ATP2B2: variants seen among roughly 807,000 people sequenced by gnomAD.
ATP2B2 encodes the protein plasma membrane calcium-transporting ATPase 2.
In ATP2B2, 15 loss-of-function variants were observed where a neutral mutation model predicts 120.0. The ratio of observed to expected loss-of-function variants is 0.12; its 90% confidence interval spans 0.08 to 0.19. The LOEUF is 0.19. Among genes scored for constraint, ATP2B2 ranks in the 10% least tolerant of loss-of-function variants. The pLI, the probability that ATP2B2 is intolerant of heterozygous loss-of-function variation, is 1.00. For synonymous variants in ATP2B2, 694 were observed against 700.3 expected (o/e 0.99, Z 0.14); for missense variants, 1,045 against 1,719.8 (o/e 0.61, Z 6.94).
At chr3:10,408,556 T>G (rs981583432) in intron 3 of ATP2B2, among the ~76,000 whole-genome samples, 3 of 152,126 alleles carry the variant, frequency 2.0e-5, no homozygotes, top group Non-Finnish European at 2.9e-5. Context: ...AGGGGCGGCC[T>G]GAGCTAGTGC....
chr3:10,339,256 C>T (rs1324569756), intron 21 of ATP2B2, among the ~76,000 whole-genome samples: 1 of 152,240 alleles, frequency 6.6e-6, no homozygotes, highest in African/African-American at 2.4e-5. Flanking sequence ...GGGTTTATCA[C>T]TCTCCAAAGC....
chr3:10,543,863 T>C (rs1327387346), intron 2 of ATP2B2, among the ~76,000 whole-genome samples: 3 of 151,960 alleles, frequency 2.0e-5, no homozygotes, highest in Admixed American at 6.6e-5. Flanking sequence ...CTCAGCCTCC[T>C]GGGTACCTGG....
rs1189198729 is a variant in ATP2B2, at chr3:10,350,482, C to T, written c.2232G>A (p.Lys744=). The change falls in exon 15 of 23, where the codon AAG becomes AAA. Residue 744 remains lysine, a synonymous_variant. Transcript: ENST00000360273. ...CCTCCCCAGGATGGATGATGCCACACTTGATGGCGATGGCCCGAGCCGTGT... is the reference window on the plus strand; with the variant it reads ...CCTCCCCAGGATGGATGATGCCACATTTGATGGCGATGGCCCGAGCCGTGT... ...NINTARAIAI[K]CGIIHPGEDF... 8 of 1,614,252 alleles carry T rather than the reference C, an allele frequency of 5.0e-6. No homozygotes were observed. Among genetic ancestry groups the T allele is most frequent in the Non-Finnish European group, 5.1e-6 (6 of 1,180,042 alleles).
At chr3:10,485,129 G>C (rs114122942) in intron 1 of ATP2B2, among the ~76,000 whole-genome samples, 1 of 152,134 alleles carries the variant, frequency 6.6e-6, no homozygotes, top group African/African-American at 2.4e-5. Context: ...AGAGGTGAGG[G>C]GGTCTTCAGG....
intron 1 of ATP2B2, among the ~76,000 whole-genome samples, chr3:10,685,329 C>G (rs189076837): frequency 9.9e-4 from 151 of 152,286 alleles, no homozygotes; most frequent in African/African-American, 3.5e-3. Context: ...CAGAACAGAA[C>G]AGATGATCTT....
At chr3:10,517,396 G>A (rs1190390258) in intron 3 of ATP2B2, among the ~76,000 whole-genome samples, 3 of 152,176 alleles carry the variant, frequency 2.0e-5, no homozygotes, top group Non-Finnish European at 2.9e-5. Context: ...ATGCAGTGTG[G>A]GCCATGGTTT....
At chr3:10,405,916 G>A (rs967014550) in intron 3 of ATP2B2, among the ~76,000 whole-genome samples, 1 of 152,188 alleles carries the variant, frequency 6.6e-6, no homozygotes, top group African/African-American at 2.4e-5. Flanking sequence ...GGGGGTTAGG[G>A]GCACTGAGTG....
chr3:10,523,716 GA>G (rs1464061375), intron 3 of ATP2B2, among the ~76,000 whole-genome samples: 1 of 152,118 alleles, frequency 6.6e-6, no homozygotes, highest in African/African-American at 2.4e-5. Context: ...TCCCCCGCTT[GA>G]TTATTCGGGG....
intron 2 of ATP2B2, among the ~76,000 whole-genome samples, chr3:10,572,524 T>A (rs2068150684): frequency 6.6e-6 from 1 of 152,184 alleles, no homozygotes; most frequent in African/African-American, 2.4e-5. Context: ...ATGTGTATTT[T>A]AGCACAATTA....
At chr3:10,444,528 T>C (rs1011826373) in intron 2 of ATP2B2, among the ~76,000 whole-genome samples, 3 of 152,242 alleles carry the variant, frequency 2.0e-5, no homozygotes, top group Non-Finnish European at 4.4e-5. Context: ...GTGGGATTCA[T>C]ACAAAATTAA....
chr3:10,459,151 C>A (rs776507524), intron 1 of ATP2B2, among the ~76,000 whole-genome samples: 1 of 152,228 alleles, frequency 6.6e-6, no homozygotes, highest in South Asian at 2.1e-4. Context: ...ATGACCTGAC[C>A]GGAATTCACC....
chr3:10,516,153 C>A (rs1451218362), intron 3 of ATP2B2, among the ~76,000 whole-genome samples: 1 of 152,220 alleles, frequency 6.6e-6, no homozygotes, highest in African/African-American at 2.4e-5. Context: ...TGGGCAGGCC[C>A]GCAACATGGT....
chr3:10,526,483 C>T (rs1441793572), intron 3 of ATP2B2, among the ~76,000 whole-genome samples: 1 of 152,188 alleles, frequency 6.6e-6, no homozygotes, highest in African/African-American at 2.4e-5. Flanking sequence ...GGCCAGTGAT[C>T]CCTGGACACA....
At chr3:10,618,204 T>C (rs2069448769) in intron 2 of ATP2B2, among the ~76,000 whole-genome samples, 1 of 152,204 alleles carries the variant, frequency 6.6e-6, no homozygotes, top group Non-Finnish European at 1.5e-5. Context: ...TCCTGCATCT[T>C]AATGGTCAAG....
intron 2 of ATP2B2, among the ~76,000 whole-genome samples, chr3:10,575,255 A>C (rs1215642244): frequency 6.6e-6 from 1 of 152,088 alleles, no homozygotes; most frequent in Non-Finnish European, 1.5e-5. Flanking sequence ...GGTGTACCTG[A>C]GGGGAGGTGC....
At chr3:10,331,865 G>A (rs537947183) in intron 22 of ATP2B2, 13 of 994,392 alleles carry the variant, frequency 1.3e-5, no homozygotes, top group African/African-American at 8.1e-5. Flanking sequence ...CTGAGAAAAC[G>A]CACAGGCCCT....
intron 1 of ATP2B2, among the ~76,000 whole-genome samples, chr3:10,639,549 C>A (rs185066864): frequency 6.6e-6 from 1 of 152,264 alleles, no homozygotes; most frequent in African/African-American, 2.4e-5. Flanking sequence ...ACCTAATCAC[C>A]TCCCCAAGGC....
chr3:10,581,815 C>A (rs900554207), intron 2 of ATP2B2, among the ~76,000 whole-genome samples: 9 of 152,214 alleles, frequency 5.9e-5, no homozygotes, highest in African/African-American at 1.9e-4. Context: ...CGGGGAGCAT[C>A]ATGGGCTTGT....
chr3:10,526,671 T>A (rs1009756132), intron 3 of ATP2B2, among the ~76,000 whole-genome samples: 1 of 152,036 alleles, frequency 6.6e-6, no homozygotes, highest in Non-Finnish European at 1.5e-5. Flanking sequence ...AGTGTGCGGA[T>A]GGCCAAGAAG....
Sources: allele counts gnomAD v4.1 joint callset (sites outside exome capture counted in the v4.1 genomes callset), GRCh38; gene constraint gnomAD v4.1.1; transcripts MANE v1.5; gene names NCBI Gene and HGNC (gene_info 2026-07-23, HGNC 2026-07-21).